The following RGS6 variants were observed in gnomAD, a reference collection of about 807,000 sequenced individuals.
RGS6 encodes regulator of G-protein signaling 6.
In RGS6, 30 loss-of-function variants were observed where a neutral mutation model predicts 78.5. The ratio of observed to expected loss-of-function variants is 0.38; its 90% CI spans 0.29 to 0.52. The LOEUF is 0.52. RGS6 is among the 20% of genes least tolerant of loss of function. The pLI is 0.85. For missense variants in RGS6, 495 were observed against 609.7 expected (o/e 0.81, Z 1.98); for synonymous variants, 206 against 206.0 (o/e 1.00, Z 0.00).
At chr14:72,020,818 C>A (rs560826380) in intron 2 of RGS6, among the ~76,000 whole-genome samples, 79 of 152,278 alleles carry the variant, frequency 5.2e-4, no homozygotes, top group Admixed American at 4.8e-3. Context: ...TTATTGAGAT[C>A]CAGCCAGGTG....
intron 2 of RGS6, among the ~76,000 whole-genome samples, chr14:72,217,223 A>G (rs1329819115): frequency 3.9e-5 from 6 of 152,220 alleles, no homozygotes; most frequent in Non-Finnish European, 7.3e-5. Flanking sequence ...CAATGAATGC[A>G]TGGTTAAAGA....
rs186920372 is a variant in RGS6 at position 71,999,962 on chromosome 14, G to T, written c.84+35087G>T. ...TTTGATGGAGTCAAAAACTGCAAGA[G>T]AAGTTTAGGAAAACAGCTAGAAATG... On this transcript the variant is annotated intron_variant, in intron 2 of 17. Coordinates refer to ENST00000553525, the MANE Select transcript of RGS6 (RefSeq NM_001204424.2). 2.0e-5 allele frequency among the ~76,000 whole-genome samples: 3 copies of T among 151,824 alleles called. No homozygotes were observed. The East Asian group carries it at 5.8e-4, about 29-fold the overall frequency.
the RGS6 span, among the ~76,000 whole-genome samples, chr14:71,922,413 AG>A: frequency 6.6e-6 from 1 of 152,200 alleles, no homozygotes; most frequent in Non-Finnish European, 1.5e-5. Context: ...TTCTAAACAC[AG>A]CAGCTAGAAT....
chr14:72,461,968 A>G (rs965206027), intron 6 of RGS6, among the ~76,000 whole-genome samples: 16 of 152,174 alleles, frequency 1.1e-4, no homozygotes, highest in Admixed American at 6.5e-5. Flanking sequence ...GGTTGGTATC[A>G]CTACTGGGGT....
intron 12 of RGS6, among the ~76,000 whole-genome samples, chr14:72,493,640 C>T (rs1418634630): frequency 6.6e-6 from 1 of 152,034 alleles, no homozygotes; most frequent in East Asian, 1.9e-4. Context: ...CCAGCAAGGG[C>T]CATCATGAAA....
At position 72,314,632 on chromosome 14, in the gene RGS6, A is replaced by G. The variant is rs535268221; in HGVS notation, c.85-37463A>G. ...AGGGGCAAAGACAGAACCTGAACCC[A>G]GGTCCTCTAATCTTGAGTTTAGAGA... is the stretch of plus-strand genomic sequence containing the variant. On this transcript the variant is annotated intron_variant, in intron 2 of 17. Transcript: ENST00000553525. Among the ~76,000 whole-genome samples the G allele has an allele frequency of 2.6e-5, 4 of 152,314 alleles. No homozygotes were observed. In the East Asian group the frequency reaches 7.7e-4, roughly 29 times the overall value.
chr14:72,444,745 A>T (rs563233487), intron 3 of RGS6, among the ~76,000 whole-genome samples: 1 of 15,598 alleles, frequency 6.4e-5, no homozygotes, highest in African/African-American at 2.0e-4. Context: ...CAGCAAGCTG[A>T]TCTGGCCAAC....
intron 3 of RGS6, among the ~76,000 whole-genome samples, chr14:72,356,068 C>T (rs1176639327): frequency 6.6e-6 from 1 of 152,116 alleles, no homozygotes; most frequent in African/African-American, 2.4e-5. Flanking sequence ...ATTCAGAATT[C>T]CCTGGGGGAT....
intron 2 of RGS6, among the ~76,000 whole-genome samples, chr14:72,025,832 A>G (rs1327923081): frequency 6.6e-6 from 1 of 152,162 alleles, no homozygotes; most frequent in Admixed American, 6.5e-5. Context: ...AAGCTAGTTG[A>G]TGTCAGAGCC....
At chr14:72,396,144 C>G (rs1883656349) in intron 3 of RGS6, among the ~76,000 whole-genome samples, 1 of 152,190 alleles carries the variant, frequency 6.6e-6, no homozygotes, top group African/African-American at 2.4e-5. Flanking sequence ...TTTACAGTCC[C>G]ACCAACAGTG....
At chr14:72,308,865 G>C (rs1241446066) in intron 2 of RGS6, among the ~76,000 whole-genome samples, 1 of 152,138 alleles carries the variant, frequency 6.6e-6, no homozygotes, top group African/African-American at 2.4e-5. Flanking sequence ...ACCTCCCTCA[G>C]TTCTCTAAAT....
chr14:72,431,376 A>G (rs1318255524), intron 3 of RGS6, among the ~76,000 whole-genome samples: 3 of 152,136 alleles, frequency 2.0e-5, no homozygotes, highest in Non-Finnish European at 2.9e-5. Flanking sequence ...TTTTTGAGAC[A>G]GAGTCTCATT....
chr14:72,324,636 G>C (rs2073192519), intron 2 of RGS6, among the ~76,000 whole-genome samples: 1 of 152,028 alleles, frequency 6.6e-6, no homozygotes, highest in African/African-American at 2.4e-5. Context: ...ATAGTTTGCT[G>C]AGAATGATGG....
chr14:72,373,925 A>G (rs1459694308), intron 3 of RGS6, among the ~76,000 whole-genome samples: 1 of 152,180 alleles, frequency 6.6e-6, no homozygotes, highest in Non-Finnish European at 1.5e-5. Flanking sequence ...ATCATTTGAT[A>G]GTCTTTTTTT....
intron 3 of RGS6, among the ~76,000 whole-genome samples, chr14:72,384,365 A>C (rs2152908769): frequency 6.6e-6 from 1 of 152,374 alleles, no homozygotes; most frequent in South Asian, 2.1e-4. Context: ...TCCACACATG[A>C]GAATAGTTAT....
chr14:72,065,337 A>C (rs147727379), intron 2 of RGS6, among the ~76,000 whole-genome samples: 31 of 152,208 alleles, frequency 2.0e-4, no homozygotes, highest in African/African-American at 7.5e-4. Context: ...AAGTTTGTGG[A>C]TCTGCCAGAG....
chr14:72,545,801 G>C (rs58380357), intron 17 of RGS6, among the ~76,000 whole-genome samples: 7 of 152,134 alleles, frequency 4.6e-5, no homozygotes, highest in Non-Finnish European at 1.0e-4. Flanking sequence ...ACTCGTCCAC[G>C]GTGAGTCGCC....
chr14:72,273,461 A>T (rs1393855441), intron 2 of RGS6, among the ~76,000 whole-genome samples: 1 of 152,188 alleles, frequency 6.6e-6, no homozygotes, highest in East Asian at 1.9e-4. Flanking sequence ...AACACAGCAT[A>T]AGTGTGGACA....
chr14:72,485,658 A>G (rs1031260758), intron 12 of RGS6, among the ~76,000 whole-genome samples: 13 of 152,204 alleles, frequency 8.5e-5, no homozygotes, highest in Non-Finnish European at 1.5e-4. Context: ...ATTCCAAGCA[A>G]TAAAACCCCA....
Sources: gnomAD v4.1 joint callset for allele counts (sites outside exome capture counted in the v4.1 genomes callset) on GRCh38, gnomAD v4.1.1 for gene constraint, MANE v1.5 for transcripts, NCBI Gene and HGNC (gene_info 2026-07-23, HGNC 2026-07-21) for gene names.